PKN2: variants seen among roughly 807,000 people sequenced by gnomAD.
PKN2 encodes serine/threonine-protein kinase N2.
In PKN2, 38 loss-of-function variants were observed where a neutral mutation model predicts 119.1. The observed-to-expected ratio is 0.32, with a 90% CI of 0.25 to 0.42. The LOEUF is 0.42. Ranked by LOEUF, PKN2 falls within the 10% of genes least tolerant of loss-of-function variation. The pLI, the probability that PKN2 is intolerant of heterozygous loss-of-function variation, is 1.00. For synonymous variants in PKN2, 390 were observed against 384.9 expected, an observed-to-expected ratio of 1.01 and a Z score of -0.15; for missense variants, 850 against 1,165.1, an observed-to-expected ratio of 0.73 and a Z score of 3.94.
In PKN2 at chr1:88,764,283, T is replaced by C. The variant is rs80310436; in HGVS notation, c.504+3907T>C. 5.1e-3 allele frequency among the ~76,000 whole-genome samples: 769 copies of C among 152,260 alleles called. 3 individuals are homozygous for C. Among genetic ancestry groups the C allele is most frequent in the African/African-American group, 0.017 (724 of 41,548 alleles). On this transcript the variant is annotated intron_variant, in intron 3 of 21. Coordinates refer to ENST00000370521, the MANE Select transcript of PKN2 (RefSeq NM_006256.4). Reference sequence around the variant, plus strand: ...TAGGTATCTATTCTCCCAAGTACTTTTGTGGCTTTCTCATTCATTAAGTCA... The same window carrying C: ...TAGGTATCTATTCTCCCAAGTACTTCTGTGGCTTTCTCATTCATTAAGTCA...
At chr1:88,806,176 CAG>C (rs1671530434) in intron 12 of PKN2, 159 bp downstream of exon 12, 1 of 666,186 alleles carries the variant, frequency 1.5e-6, no homozygotes, top group Admixed American at 2.9e-5. Context: ...TTTTTTGAGA[CAG>C]AGTTTCACTC....
At chr1:88,726,886 G>A (rs1274042739) in intron 1 of PKN2, among the ~76,000 whole-genome samples, 7 of 152,010 alleles carry the variant, frequency 4.6e-5, no homozygotes, top group African/African-American at 1.7e-4. Context: ...TGAGCATTTT[G>A]TGGGTGCTTG....
At chr1:88,781,525 T>C (rs1189756697) in intron 6 of PKN2, among the ~76,000 whole-genome samples, 5 of 152,142 alleles carry the variant, frequency 3.3e-5, no homozygotes, top group Non-Finnish European at 4.4e-5. Flanking sequence ...CATTTACTTC[T>C]TGGATTTGCT....
intron 8 of PKN2, among the ~76,000 whole-genome samples, chr1:88,802,119 T>C (rs1176004514): frequency 6.6e-6 from 1 of 152,214 alleles, no homozygotes; most frequent in Non-Finnish European, 1.5e-5. Context: ...GCGTAAGAAC[T>C]GATAGTTGAT....
intron 1 of PKN2, among the ~76,000 whole-genome samples, chr1:88,694,729 T>A (rs778745029): frequency 3.3e-5 from 5 of 152,178 alleles, no homozygotes; most frequent in Non-Finnish European, 5.9e-5. Flanking sequence ...CTACCAACAA[T>A]AAGAGTTTTT....
At chr1:88,701,544 A>G (rs1454604410) in intron 1 of PKN2, among the ~76,000 whole-genome samples, 3 of 152,250 alleles carry the variant, frequency 2.0e-5, no homozygotes, top group South Asian at 2.1e-4. Flanking sequence ...ACAGCAAAGC[A>G]TTAAGTATTC....
intron 16 of PKN2, among the ~76,000 whole-genome samples, chr1:88,820,393 C>T (rs964171530): frequency 1.1e-4 from 16 of 150,232 alleles, no homozygotes; most frequent in Non-Finnish European, 2.2e-4. Context: ...ATTAGCTGGG[C>T]GTGGTGGCAC....
chr1:88,813,598 T>G lies in PKN2; in HGVS notation c.2144T>G (p.Val715Gly). The stretch of plus-strand genomic sequence containing the variant: ...AGAATTTTTGAAACTGTGAATAGTG[T>G]AAGGCATCCCTTTTTGGTGAACCTT... ...EKRIFETVNS[V>G]RHPFLVNLFA... The change falls in exon 16 of 22, where the codon GTA (valine) becomes GGA (glycine). Residue 715 changes from valine (V) to glycine (G), a missense_variant. Coordinates refer to ENST00000370521, the MANE Select transcript of PKN2 (RefSeq NM_006256.4). 6.2e-7 allele frequency: 1 copy of G among 1,608,720 alleles called. No homozygotes were observed. The highest frequency in any genetic ancestry group is 8.5e-7 in the Non-Finnish European group (1 of 1,177,944).
At chr1:88,759,235 T>C (rs1669344489) in intron 2 of PKN2, among the ~76,000 whole-genome samples, 1 of 152,164 alleles carries the variant, frequency 6.6e-6, no homozygotes, top group Non-Finnish European at 1.5e-5. Context: ...TGGTGGCGTA[T>C]GCCTGTAATC....
chr1:88,726,664 A>G (rs1284159353), intron 1 of PKN2, among the ~76,000 whole-genome samples: 1 of 152,162 alleles, frequency 6.6e-6, no homozygotes, highest in Non-Finnish European at 1.5e-5. Context: ...CACCAACCTC[A>G]TAAGAGCAAT....
intron 1 of PKN2, among the ~76,000 whole-genome samples, chr1:88,721,478 G>A (rs1188761101): frequency 6.6e-6 from 1 of 152,116 alleles, no homozygotes; most frequent in East Asian, 1.9e-4. Flanking sequence ...GGGCTTGCCT[G>A]TTTTATCTAC....
At chr1:88,735,606 C>A (rs1186926018) in intron 1 of PKN2, among the ~76,000 whole-genome samples, 1 of 8,166 alleles carries the variant, frequency 1.2e-4, no homozygotes, top group Non-Finnish European at 2.3e-4. Flanking sequence ...CAGCCCACCC[C>A]CCCCCCCCCC....
chr1:88,768,021 TAAAAA>T (rs780235198), intron 3 of PKN2, among the ~76,000 whole-genome samples: 9,454 of 152,196 alleles, frequency 0.062, no homozygotes, highest in African/African-American at 0.16. Flanking sequence ...CCTTAGTGAT[TAAAAA>T]TAGAGATGCT....
intron 6 of PKN2, among the ~76,000 whole-genome samples, chr1:88,784,132 CTTTTTTTTT>C (rs397862410): frequency 4.8e-5 from 5 of 103,950 alleles, no homozygotes; most frequent in Non-Finnish European, 9.2e-5. Flanking sequence ...GATGCTGTTC[CTTTTTTTTT>C]TTTTTTTTTT....
At chr1:88,734,038 G>T (rs1668242903) in intron 1 of PKN2, among the ~76,000 whole-genome samples, 1 of 151,930 alleles carries the variant, frequency 6.6e-6, no homozygotes, top group African/African-American at 2.4e-5. Flanking sequence ...CCCACCTGTA[G>T]TCTTAGCTAC....
At chr1:88,735,576 G>T (rs1054275274) in intron 1 of PKN2, among the ~76,000 whole-genome samples, 1 of 145,572 alleles carries the variant, frequency 6.9e-6, no homozygotes, top group Non-Finnish European at 1.5e-5. Flanking sequence ...AGCTGTGCTG[G>T]GTACAGTATT....
At chr1:88,684,881 C>G (rs958657797) in intron 1 of PKN2, 13 of 414,300 alleles carry the variant, frequency 3.1e-5, no homozygotes, top group African/African-American at 2.7e-4. Context: ...GACCCCATCT[C>G]TGCAGCCCTG....
chr1:88,684,754 G>A (rs1051175925), intron 1 of PKN2, 126 bp downstream of exon 1: 5 of 764,266 alleles, frequency 6.5e-6, no homozygotes, highest in Non-Finnish European at 5.9e-6. Flanking sequence ...CGGAAACTCC[G>A]GGATGTCACT....
intron 1 of PKN2, among the ~76,000 whole-genome samples, chr1:88,709,519 A>C (rs1173149660): frequency 6.6e-6 from 1 of 152,230 alleles, no homozygotes; most frequent in Non-Finnish European, 1.5e-5. Context: ...GGAAGGAAGC[A>C]TACAATCCCA....
Sources: allele counts gnomAD v4.1 joint callset (sites outside exome capture counted in the v4.1 genomes callset), GRCh38; gene constraint gnomAD v4.1.1; transcripts MANE v1.5; gene names NCBI Gene and HGNC (gene_info 2026-07-23, HGNC 2026-07-21).